The following KIF18A variants were observed in gnomAD, a reference collection of about 807,000 sequenced individuals.
KIF18A encodes kinesin family member 18A.
Under a neutral mutation model 103.3 loss-of-function variants are expected in KIF18A, and 67 were observed. The observed-to-expected ratio is 0.65, with a 90% CI of 0.53 to 0.79. The LOEUF is 0.79. KIF18A is among the 30% of genes least tolerant of loss of function. The pLI is 0.00. For missense variants in KIF18A, 1,032 were observed against 1,062.5 expected (o/e 0.97, Z 0.40); for synonymous variants, 367 against 355.5 (o/e 1.03, Z -0.36).
chr11:28,101,172 C>T (rs1351244388), intron 1 of KIF18A, among the ~76,000 whole-genome samples: 2 of 152,016 alleles, frequency 1.3e-5, no homozygotes, highest in Admixed American at 1.3e-4. Flanking sequence ...TAGAACTGCC[C>T]TATTAGAGGA....
intron 1 of KIF18A, among the ~76,000 whole-genome samples, chr11:28,099,877 T>C (rs1026959418): frequency 4.6e-5 from 7 of 152,258 alleles, no homozygotes; most frequent in Non-Finnish European, 2.9e-5. Flanking sequence ...AGGAGTGACA[T>C]AATCTATCAC....
intron 6 of KIF18A, 83 bp downstream of exon 6, chr11:28,088,441 T>C: frequency 8.2e-7 from 1 of 1,219,776 alleles, no homozygotes; most frequent in Non-Finnish European, 1.2e-6. Context: ...ATCAGACCTT[T>C]AAAACAAAAT....
At chr11:28,087,616 C>T (rs887679866) in intron 6 of KIF18A, among the ~76,000 whole-genome samples, 1 of 152,104 alleles carries the variant, frequency 6.6e-6, no homozygotes, top group Non-Finnish European at 1.5e-5. Context: ...AATGGGATGG[C>T]TGGGTCAAAT....
intron 15 of KIF18A, among the ~76,000 whole-genome samples, chr11:28,027,835 C>T (rs1590659639): frequency 6.6e-6 from 1 of 151,852 alleles, no homozygotes; most frequent in East Asian, 1.9e-4. Context: ...GGAATACTTC[C>T]AAAATCATTA....
At chr11:28,081,203 G>A (rs530812583) in intron 9 of KIF18A, among the ~76,000 whole-genome samples, 3 of 152,254 alleles carry the variant, frequency 2.0e-5, no homozygotes, top group South Asian at 4.1e-4. Context: ...GCAAGTTATC[G>A]AGAAAATTTA....
rs759134050 is a variant in KIF18A at position 28,073,898 on chromosome 11, C to T, written c.1425+3109G>A. Among the ~76,000 whole-genome samples the T allele has an allele frequency of 2.6e-5, 4 of 152,284 alleles. No individual in the cohort carries two copies. In the South Asian group the frequency reaches 6.2e-4, roughly 24 times the overall value. ...AGTTGAGATGTTAAGTCAATATCAG[C>T]TTCCTATGGCTGCATTTCTTGCCTT... On this transcript the variant is annotated intron_variant, in intron 10 of 16. Coordinates refer to ENST00000263181, the MANE Select transcript of KIF18A (RefSeq NM_031217.4).
intron 14 of KIF18A, 139 bp downstream of exon 14, chr11:28,036,076 GAA>G: frequency 1.7e-6 from 1 of 582,192 alleles, no homozygotes; most frequent in South Asian, 2.6e-5. Flanking sequence ...TATTCAGAGA[GAA>G]AGATAATTAA....
At chr11:28,069,062 A>G (rs1296740148) in intron 11 of KIF18A, among the ~76,000 whole-genome samples, 197 bp downstream of exon 11, 12 of 152,288 alleles carry the variant, frequency 7.9e-5, no homozygotes, top group Non-Finnish European at 1.5e-5. Flanking sequence ...TTGAAATAGA[A>G]TTGTTTATTT....
intron 15 of KIF18A, among the ~76,000 whole-genome samples, chr11:28,026,631 A>G (rs1850324567): frequency 6.6e-6 from 1 of 151,766 alleles, no homozygotes; most frequent in South Asian, 2.1e-4. Context: ...CTCCAAATAC[A>G]CAATTCACAT....
At chr11:28,092,137 G>C (rs778642562) in intron 3 of KIF18A, among the ~76,000 whole-genome samples, 2 of 152,144 alleles carry the variant, frequency 1.3e-5, no homozygotes, top group Non-Finnish European at 2.9e-5. Context: ...TTCAGGAAAT[G>C]TATGGAACAC....
chr11:28,055,445 G>A (rs1850767846), intron 13 of KIF18A, among the ~76,000 whole-genome samples: 1 of 152,214 alleles, frequency 6.6e-6, no homozygotes, highest in Non-Finnish European at 1.5e-5. Flanking sequence ...CCTTGAGGTT[G>A]TTTGCTTATG....
intron 15 of KIF18A, among the ~76,000 whole-genome samples, chr11:28,030,680 T>C (rs1314648884): frequency 6.6e-6 from 1 of 150,850 alleles, no homozygotes; most frequent in Non-Finnish European, 1.5e-5. Context: ...AATTGACAAA[T>C]GGGATCTAAT....
At chr11:28,070,665 A>G (rs1301164198) in intron 10 of KIF18A, among the ~76,000 whole-genome samples, 4 of 152,226 alleles carry the variant, frequency 2.6e-5, no homozygotes, top group African/African-American at 9.6e-5. Flanking sequence ...AGAAACAAAA[A>G]CCTGGATAGT....
intron 16 of KIF18A, among the ~76,000 whole-genome samples, chr11:28,022,914 G>T (rs2133480239): frequency 6.6e-6 from 1 of 152,228 alleles, no homozygotes; most frequent in South Asian, 2.1e-4. Context: ...ACTAACAATA[G>T]CTTTCATGTT....
intron 6 of KIF18A, among the ~76,000 whole-genome samples, chr11:28,085,188 G>A (rs1465687126): frequency 6.6e-6 from 1 of 152,158 alleles, no homozygotes; most frequent in East Asian, 1.9e-4. Context: ...CACAAACGCC[G>A]CTTGAGGGCT....
chr11:28,085,486 C>A (rs1440964282), intron 6 of KIF18A, among the ~76,000 whole-genome samples: 1 of 152,156 alleles, frequency 6.6e-6, no homozygotes, highest in Non-Finnish European at 1.5e-5. Context: ...TAGTGAAAGT[C>A]TTAAAGTCTT....
chr11:28,050,487 G>C (rs1032117817), intron 13 of KIF18A, among the ~76,000 whole-genome samples: 10 of 151,716 alleles, frequency 6.6e-5, no homozygotes, highest in Non-Finnish European at 1.5e-4. Context: ...AGTAATTTTA[G>C]GGGAAACTTA....
intron 15 of KIF18A, among the ~76,000 whole-genome samples, chr11:28,031,106 T>C (rs1850396411): frequency 6.6e-6 from 1 of 152,112 alleles, no homozygotes; most frequent in Admixed American, 6.6e-5. Context: ...AGTTCAACCA[T>C]TGTGGAAGAC....
chr11:28,067,823 A>G (rs1850954139), intron 11 of KIF18A, among the ~76,000 whole-genome samples: 2 of 152,154 alleles, frequency 1.3e-5, no homozygotes, highest in Admixed American at 1.3e-4. Flanking sequence ...ATTTGGGTGA[A>G]AATTAGTTAT....
Sources: gnomAD v4.1 joint callset for allele counts (sites outside exome capture counted in the v4.1 genomes callset) on GRCh38, gnomAD v4.1.1 for gene constraint, MANE v1.5 for transcripts, NCBI Gene and HGNC (gene_info 2026-07-23, HGNC 2026-07-21) for gene names.